PRKG1: variants seen among roughly 807,000 people sequenced by gnomAD.
The protein encoded by PRKG1 is cGMP-dependent protein kinase 1.
PRKG1 carries 35 observed loss-of-function variants against 88.1 expected under a neutral mutation model. That is an observed-to-expected ratio of 0.40 (90% CI 0.30 to 0.53). PRKG1 has a LOEUF of 0.53. Among genes scored for constraint, PRKG1 ranks in the 20% least tolerant of loss-of-function variants. The probability of loss-of-function intolerance (pLI) is 0.59; values close to 1 mark genes in which losing one functional copy is unlikely to be tolerated. For missense variants in PRKG1, 540 were observed against 839.8 expected, an observed-to-expected ratio of 0.64 and a Z score of 4.41; for synonymous variants, 303 against 292.5, an observed-to-expected ratio of 1.04 and a Z score of -0.37.
At chr10:51,283,072 C>T (rs1840342530) in intron 2 of PRKG1, among the ~76,000 whole-genome samples, 1 of 152,112 alleles carries the variant, frequency 6.6e-6, no homozygotes, top group Admixed American at 6.6e-5. Flanking sequence ...ATATTATAAA[C>T]AGCTTCTCAT....
At chr10:51,041,800 CCTAT>C (rs1455974512) in intron 1 of PRKG1, among the ~76,000 whole-genome samples, 2 of 152,154 alleles carry the variant, frequency 1.3e-5, no homozygotes, top group African/African-American at 4.8e-5. Flanking sequence ...AGTGGTGTAA[CCTAT>C]CTTAGTTTGC....
At chr10:52,039,063 G>T (rs550871678) in intron 5 of PRKG1, among the ~76,000 whole-genome samples, 3 of 152,178 alleles carry the variant, frequency 2.0e-5, no homozygotes, top group Non-Finnish European at 2.9e-5. Context: ...GGAGGACAGG[G>T]GATTGATCTC....
intron 4 of PRKG1, among the ~76,000 whole-genome samples, chr10:51,839,685 T>G (rs1437849281): frequency 6.6e-6 from 1 of 152,172 alleles, no homozygotes; most frequent in Non-Finnish European, 1.5e-5. Context: ...CTAACCAATA[T>G]TCTACAGGGA....
At chr10:51,673,266 A>C (rs1187532688) in intron 3 of PRKG1, among the ~76,000 whole-genome samples, 1 of 152,216 alleles carries the variant, frequency 6.6e-6, no homozygotes, top group Non-Finnish European at 1.5e-5. Context: ...AAGAAAAATT[A>C]AGTGAAAAGA....
intron 5 of PRKG1, among the ~76,000 whole-genome samples, chr10:52,015,192 T>C (rs1845007104): frequency 6.6e-6 from 1 of 152,252 alleles, no homozygotes; most frequent in African/African-American, 2.4e-5. Flanking sequence ...AGCAGACTTC[T>C]GCCTGGACAT....
At chr10:51,610,358 G>C (rs1838875645) in intron 3 of PRKG1, among the ~76,000 whole-genome samples, 1 of 151,996 alleles carries the variant, frequency 6.6e-6, no homozygotes, top group African/African-American at 2.4e-5. Flanking sequence ...AATGTTTTTA[G>C]TTCCAACATA....
At chr10:51,425,303 C>T (rs2132714553) in intron 2 of PRKG1, among the ~76,000 whole-genome samples, 1 of 152,220 alleles carries the variant, frequency 6.6e-6, no homozygotes, top group South Asian at 2.1e-4. Flanking sequence ...TTAAATTGTT[C>T]CAGTTGTGAA....
intron 1 of PRKG1, among the ~76,000 whole-genome samples, chr10:51,033,533 G>A (rs1402868885): frequency 1.3e-5 from 2 of 152,084 alleles, no homozygotes; most frequent in Non-Finnish European, 2.9e-5. Context: ...ATCCCTTAAT[G>A]TCAGGATAAT....
chr10:51,756,491 A>G (rs1395334247), intron 3 of PRKG1, among the ~76,000 whole-genome samples: 1 of 151,472 alleles, frequency 6.6e-6, no homozygotes, highest in Non-Finnish European at 1.5e-5. Flanking sequence ...TCTCAAAAAA[A>G]AAAAAAAAAG....
At chr10:51,728,729 G>A (rs537435300) in intron 3 of PRKG1, among the ~76,000 whole-genome samples, 8 of 152,226 alleles carry the variant, frequency 5.3e-5, no homozygotes, top group African/African-American at 1.7e-4. Flanking sequence ...GGAATAGAAT[G>A]ATGAGAAAGG....
intron 5 of PRKG1, among the ~76,000 whole-genome samples, chr10:51,957,966 T>G (rs1357315029): frequency 6.6e-6 from 1 of 152,168 alleles, no homozygotes; most frequent in East Asian, 1.9e-4. Flanking sequence ...GCTTTTTGAA[T>G]GAATAATAAT....
At chr10:51,173,537 G>T (rs1204431738) in intron 2 of PRKG1, among the ~76,000 whole-genome samples, 1 of 151,786 alleles carries the variant, frequency 6.6e-6, no homozygotes, top group Non-Finnish European at 1.5e-5. Context: ...ATGTCATTAT[G>T]CTCAAGAGAT....
chr10:51,711,138 C>T (rs954297790), intron 3 of PRKG1, among the ~76,000 whole-genome samples: 7 of 152,128 alleles, frequency 4.6e-5, no homozygotes, highest in Admixed American at 1.3e-4. Context: ...TGGAGTCTCG[C>T]TCTGTCACCC....
At chr10:52,126,621 C>A (rs930179986) in intron 7 of PRKG1, among the ~76,000 whole-genome samples, 1 of 152,106 alleles carries the variant, frequency 6.6e-6, no homozygotes, top group African/African-American at 2.4e-5. Context: ...GTTGGGATTA[C>A]AAGTGTGTGC....
chr10:51,052,639 C>A (rs1385501756), intron 1 of PRKG1, among the ~76,000 whole-genome samples: 2 of 152,170 alleles, frequency 1.3e-5, no homozygotes, highest in East Asian at 1.9e-4. Flanking sequence ...GAATTAATAA[C>A]CACCCCAATG....
intron 4 of PRKG1, among the ~76,000 whole-genome samples, chr10:51,865,168 A>G (rs1238554270): frequency 6.6e-6 from 1 of 152,258 alleles, no homozygotes; most frequent in South Asian, 2.1e-4. Flanking sequence ...AAAGATGCGT[A>G]TAGTGAAAAT....
intron 3 of PRKG1, among the ~76,000 whole-genome samples, chr10:51,787,974 C>G (rs551140078): frequency 6.6e-6 from 1 of 152,150 alleles, no homozygotes; most frequent in Non-Finnish European, 1.5e-5. Context: ...GTCAACCGAC[C>G]TTTGGGTTTA....
chr10:52,215,444 C>A (rs1435024002), intron 9 of PRKG1, among the ~76,000 whole-genome samples: 1 of 151,360 alleles, frequency 6.6e-6, no homozygotes, highest in South Asian at 2.1e-4. Context: ...TATAAGCATT[C>A]TATGCTATAA....
chr10:52,084,085 A>C (rs1485969552), intron 7 of PRKG1, among the ~76,000 whole-genome samples: 1 of 152,034 alleles, frequency 6.6e-6, no homozygotes. Flanking sequence ...TCTACAAGGG[A>C]AATAGCGGAT....
Sources: allele counts gnomAD v4.1 joint callset (sites outside exome capture counted in the v4.1 genomes callset), GRCh38; gene constraint gnomAD v4.1.1; transcripts MANE v1.5; gene names NCBI Gene and HGNC (gene_info 2026-07-23, HGNC 2026-07-21).